The following CHL1 variants were observed in gnomAD, a reference collection of about 807,000 sequenced individuals.
The protein encoded by CHL1 is cell adhesion molecule L1 like, also known as neural cell adhesion molecule L1-like protein.
CHL1 carries 96 observed loss-of-function variants against 141.9 expected under a neutral mutation model. The ratio of observed to expected loss-of-function variants is 0.68; its 90% CI spans 0.57 to 0.80. CHL1 has a LOEUF of 0.80. Ranked by LOEUF, CHL1 falls within the 30% of genes least tolerant of loss-of-function variation. CHL1 has a pLI of 0.00. For synonymous variants in CHL1, 613 were observed against 502.2 expected (o/e 1.22, Z -2.95); for missense variants, 1,820 against 1,457.2 (o/e 1.25, Z -4.05).
intron 2 of CHL1, among the ~76,000 whole-genome samples, chr3:256,489 G>A (rs750155459): frequency 2.0e-5 from 3 of 152,178 alleles, no homozygotes; most frequent in Non-Finnish European, 2.9e-5. Flanking sequence ...GAGTGATTTC[G>A]CCCTTCAGGA....
intron 2 of CHL1, among the ~76,000 whole-genome samples, chr3:264,797 T>A (rs556292721): frequency 6.6e-6 from 1 of 152,212 alleles, no homozygotes; most frequent in African/African-American, 2.4e-5. Context: ...CGCAATGGAC[T>A]GTTTGCGTAA....
intron 1 of CHL1, among the ~76,000 whole-genome samples, chr3:220,536 C>T (rs1025669261): frequency 6.6e-6 from 1 of 151,810 alleles, no homozygotes; most frequent in African/African-American, 2.4e-5. Context: ...AAAAAAAGGT[C>T]CATGCATAAT....
Position 405,510 on chromosome 3 carries a change from G to T in CHL1, c.3474G>T (p.Lys1158Asn), listed in dbSNP as rs572672771. ...TFGEYSDSDE[K>N]PLKGSLRSLN... ...TGTTTTCTAGTGACAGTGATGAAAA[G>T]CCTCTCAAAGGAAGCCTTCGGTCCC... is the stretch of plus-strand genomic sequence containing the variant. Residue 1158 changes from lysine (K) to asparagine (N), a missense_variant, in exon 28 of 28, where the codon AAG becomes AAT. Lys to Asn is a moderately conservative substitution (Grantham distance 94). Coordinates refer to ENST00000256509, the MANE Select transcript of CHL1 (RefSeq NM_006614.4). 1 of 1,611,902 alleles carries T rather than the reference G, an allele frequency of 6.2e-7. No individual in the cohort carries two copies. Among genetic ancestry groups the T allele is most frequent in the South Asian group, 1.1e-5 (1 of 90,936 alleles).
chr3:315,939 G>A (rs754020983), intron 2 of CHL1, among the ~76,000 whole-genome samples: 1 of 152,048 alleles, frequency 6.6e-6, no homozygotes, highest in Non-Finnish European at 1.5e-5. Flanking sequence ...AGAGGAAAAG[G>A]CTGGCCTGCT....
At chr3:265,686 T>C (rs1338503707) in intron 2 of CHL1, among the ~76,000 whole-genome samples, 2 of 152,072 alleles carry the variant, frequency 1.3e-5, no homozygotes, top group Non-Finnish European at 2.9e-5. Context: ...GTGGGAGATG[T>C]GGGGAATGGG....
At chr3:389,586 C>G (rs1708057670) in intron 20 of CHL1, 112 bp downstream of exon 20, 2 of 786,074 alleles carry the variant, frequency 2.5e-6, no homozygotes, top group Non-Finnish European at 4.1e-6. Flanking sequence ...AGAGGATGTA[C>G]TAGCCGTGGG....
chr3:400,766 C>T (rs1398348455), intron 26 of CHL1, among the ~76,000 whole-genome samples: 1 of 151,792 alleles, frequency 6.6e-6, no homozygotes, highest in Non-Finnish European at 1.5e-5. Flanking sequence ...CACGCCTCTG[C>T]ACTCCAGCCT....
Position 405,476 on chromosome 3 carries a change from T to C in CHL1, c.3459-19T>C, listed in dbSNP as rs779415649. 2.6e-6 allele frequency: 4 copies of C among 1,513,136 alleles called. No homozygotes were observed. The South Asian group carries it at 4.5e-5, about 17-fold the overall frequency. 93.7% of individuals were successfully genotyped at this position (1,513,136 alleles called of 1,614,324 possible). The stretch of plus-strand genomic sequence containing the variant: ...AATATTAGATTTTGTTGAGCTATTT[T>C]TGTTTGTTTGTTTTCTAGTGACAGT... On this transcript the variant is annotated intron_variant, in intron 27 of 27. Coordinates refer to ENST00000256509, the MANE Select transcript of CHL1 (RefSeq NM_006614.4).
chr3:215,247 T>C (rs1559281657), intron 1 of CHL1, among the ~76,000 whole-genome samples: 1 of 152,118 alleles, frequency 6.6e-6, no homozygotes, highest in Non-Finnish European at 1.5e-5. Context: ...AAGAATGAAA[T>C]CCTGTCATTG....
At chr3:303,867 T>A (rs911739506) in intron 2 of CHL1, among the ~76,000 whole-genome samples, 9 of 152,226 alleles carry the variant, frequency 5.9e-5, no homozygotes, top group Admixed American at 5.9e-4. Flanking sequence ...GGGTTTGCCA[T>A]AAATAGCTCT....
At chr3:382,087 C>T in intron 16 of CHL1, 92 bp from the exon 17 acceptor site, 1 of 1,070,322 alleles carries the variant, frequency 9.3e-7, no homozygotes, top group Non-Finnish European at 1.4e-6. Flanking sequence ...GGTGGTACCT[C>T]CTCTGTCTCC....
intron 3 of CHL1, among the ~76,000 whole-genome samples, chr3:322,133 C>T (rs1700609695): frequency 6.6e-6 from 1 of 151,972 alleles, no homozygotes; most frequent in Non-Finnish European, 1.5e-5. Flanking sequence ...AAGCTCAAGT[C>T]CTGCTCTACA....
intron 19 of CHL1, chr3:385,576 T>TCC (rs1458404476): frequency 1.3e-5 from 2 of 152,396 alleles, no homozygotes; most frequent in Non-Finnish European, 2.9e-5. Flanking sequence ...ATGCCTGTAA[T>TCC]CCCAGCACTT....
intron 2 of CHL1, among the ~76,000 whole-genome samples, chr3:280,458 C>A (rs952847484): frequency 6.6e-6 from 1 of 152,048 alleles, no homozygotes. Flanking sequence ...AATTAAAGTG[C>A]TGAATAACTT....
chr3:364,845 TTC>T (rs1704664783), intron 14 of CHL1, among the ~76,000 whole-genome samples: 1 of 152,192 alleles, frequency 6.6e-6, no homozygotes, highest in African/African-American at 2.4e-5. Flanking sequence ...AGTATTAATA[TTC>T]ATAAAGTTGT....
chr3:401,545 T>G, intron 26 of CHL1, 81 bp from the exon 27 acceptor site: 1 of 790,832 alleles, frequency 1.3e-6, no homozygotes, highest in Non-Finnish European at 2.1e-6. Flanking sequence ...TCTTACTGAC[T>G]ATTAACTATT....
rs1163353563 is a variant in CHL1 at position 406,048 on chromosome 3, T to A, written c.*337T>A. 1 of 232,654 alleles carries A rather than the reference T, an allele frequency of 4.3e-6. No homozygotes were observed. Among genetic ancestry groups the A allele is most frequent in the Non-Finnish European group, 8.5e-6 (1 of 118,026 alleles). 14.4% of individuals were successfully genotyped at this position (232,654 alleles called of 1,614,324 possible). The stretch of plus-strand genomic sequence containing the variant: ...TTACTATTCGGTGTGTTTGCATAGA[T>A]GTTGCTACTTGGTGGGTTTTTCTCC... On this transcript the variant is annotated 3_prime_UTR_variant, in exon 28 of 28. Coordinates refer to ENST00000256509, the MANE Select transcript of CHL1 (RefSeq NM_006614.4).
At chr3:325,577 G>A (rs977408262) in intron 3 of CHL1, among the ~76,000 whole-genome samples, 1 of 152,012 alleles carries the variant, frequency 6.6e-6, no homozygotes, top group African/African-American at 2.4e-5. Context: ...AAACACGGAA[G>A]ATTACAAACA....
chr3:269,800 A>G (rs1695478994), intron 2 of CHL1, among the ~76,000 whole-genome samples: 1 of 152,236 alleles, frequency 6.6e-6, no homozygotes, highest in African/African-American at 2.4e-5. Context: ...TGCACGGATT[A>G]CAAGGATGAG....
Sources: gnomAD v4.1 joint callset for allele counts (sites outside exome capture counted in the v4.1 genomes callset) on GRCh38, gnomAD v4.1.1 for gene constraint, MANE v1.5 for transcripts, NCBI Gene and HGNC (gene_info 2026-07-23, HGNC 2026-07-21) for gene names.